Variants in MSH4 observed in about 807,000 individuals in gnomAD.
MSH4 encodes the protein mutS protein homolog 4.
In MSH4, 106 loss-of-function variants were observed where a neutral mutation model predicts 113.7. The observed-to-expected ratio is 0.93, with a 90% CI of 0.80 to 1.10. The LOEUF (loss-of-function observed/expected upper bound fraction) is 1.10, where lower values mean the gene tolerates loss of function less well. Among genes scored for constraint, MSH4 ranks in the 50% least tolerant of loss-of-function variants. The pLI is 0.00. For missense variants in MSH4, 1,061 were observed against 1,093.7 expected (o/e 0.97, Z 0.42); for synonymous variants, 368 against 380.2 (o/e 0.97, Z 0.37).
intron 8 of MSH4, among the ~76,000 whole-genome samples, chr1:75,859,443 G>C (rs1258967639): frequency 6.6e-6 from 1 of 152,210 alleles, no homozygotes; most frequent in Non-Finnish European, 1.5e-5. Context: ...ATGTGTCCCA[G>C]AGATTCTGGT....
chr1:75,883,894 G>A (rs1038569671), intron 15 of MSH4, 73 bp downstream of exon 15: 41 of 1,289,058 alleles, frequency 3.2e-5, no homozygotes, highest in Non-Finnish European at 4.5e-5. Flanking sequence ...ATTTTTTTAG[G>A]GCCATGTGCC....
intron 19 of MSH4, among the ~76,000 whole-genome samples, chr1:75,901,058 T>C (rs2100590673): frequency 6.6e-6 from 1 of 152,276 alleles, no homozygotes; most frequent in East Asian, 1.9e-4. Flanking sequence ...TGTACATATT[T>C]TGGGGCTACA....
intron 17 of MSH4, 124 bp downstream of exon 17, chr1:75,890,948 C>G (rs146571223): frequency 1.2e-6 from 1 of 867,868 alleles, no homozygotes; most frequent in African/African-American, 1.8e-5. Context: ...CACATATCAT[C>G]GCATTTATAT....
At position 75,800,153 on chromosome 1, in the gene MSH4, C is replaced by T. The variant is rs75179040; in HGVS notation, c.244+2924C>T. The stretch of plus-strand genomic sequence containing the variant: ...AACAGCCCTCTCCATCTCCAGTTTC[C>T]GCATCTCCAGTTTCTGGCAACCACT... On this transcript the variant is annotated intron_variant, in intron 1 of 19. Transcript: ENST00000263187. 4.0e-3 allele frequency among the ~76,000 whole-genome samples: 613 copies of T among 152,192 alleles called. 5 individuals carry two copies. Among genetic ancestry groups the T allele is most frequent in the African/African-American group, 0.014 (582 of 41,516 alleles).
chr1:75,801,256 A>G (rs1490541451), intron 1 of MSH4, among the ~76,000 whole-genome samples: 2 of 152,140 alleles, frequency 1.3e-5, no homozygotes, highest in African/African-American at 2.4e-5. Flanking sequence ...AATATTTGCC[A>G]TCTGGTCCTT....
At chr1:75,847,485 C>T (rs1651099011) in intron 7 of MSH4, among the ~76,000 whole-genome samples, 1 of 152,080 alleles carries the variant, frequency 6.6e-6, no homozygotes, top group African/African-American at 2.4e-5. Flanking sequence ...TAGACAATAT[C>T]AAAACCAGAG....
At chr1:75,881,803 T>C (rs1358444211) in intron 14 of MSH4, among the ~76,000 whole-genome samples, 2 of 152,090 alleles carry the variant, frequency 1.3e-5, no homozygotes, top group Admixed American at 6.6e-5. Context: ...AGGAATTATG[T>C]AATTTATTTT....
chr1:75,805,114 C>T (rs12127078), intron 2 of MSH4, among the ~76,000 whole-genome samples: 32,949 of 151,776 alleles, frequency 0.22, 3,799 homozygotes, highest in Middle Eastern at 0.31. Flanking sequence ...TGTGAGCCAC[C>T]GCACCCAGCC....
At chr1:75,818,745 A>G (rs1340160029) in intron 6 of MSH4, among the ~76,000 whole-genome samples, 1 of 63,136 alleles carries the variant, frequency 1.6e-5, no homozygotes, top group Non-Finnish European at 4.2e-5. Context: ...CCTTCTCTGT[A>G]TATTCCGTTT....
chr1:75,872,069 A>G (rs1651726441), intron 9 of MSH4, among the ~76,000 whole-genome samples: 1 of 152,224 alleles, frequency 6.6e-6, no homozygotes, highest in African/African-American at 2.4e-5. Context: ...AATGTGTTGC[A>G]GTCAAAATGC....
chr1:75,910,451 T>G (rs576739228), intron 19 of MSH4, among the ~76,000 whole-genome samples: 2 of 152,052 alleles, frequency 1.3e-5, no homozygotes, highest in African/African-American at 4.8e-5. Flanking sequence ...TTTCTTTTTT[T>G]TGAAACAAGG....
intron 9 of MSH4, among the ~76,000 whole-genome samples, chr1:75,869,165 T>C (rs1651655052): frequency 2.0e-5 from 3 of 152,080 alleles, no homozygotes; most frequent in Admixed American, 2.0e-4. Context: ...ATGAGGGATT[T>C]TTGGGAACTG....
rs1490890506 is a variant in MSH4 at position 75,796,923 on chromosome 1, T to C, written c.-63T>C. ...CGTTTCAGCGGCGCAGCTTCTGTAG[T>C]TGGGCTACTGGAGGGGTCGCTCAGA... is the stretch of plus-strand genomic sequence containing the variant. On this transcript the variant is annotated 5_prime_UTR_variant, in exon 1 of 20. Transcript: ENST00000263187. 2 of 1,598,634 alleles carry C rather than the reference T, an allele frequency of 1.3e-6. No individual in the cohort carries two copies. The highest frequency in any genetic ancestry group is 2.7e-5 in the African/African-American group (2 of 74,502).
chr1:75,856,731 A>AGT (rs1651326519), intron 8 of MSH4, among the ~76,000 whole-genome samples: 1 of 152,208 alleles, frequency 6.6e-6, no homozygotes, highest in South Asian at 2.1e-4. Flanking sequence ...TATTGTGAAT[A>AGT]GTGCTGCAAT....
At chr1:75,808,307 AT>A (rs1650113666) in intron 3 of MSH4, among the ~76,000 whole-genome samples, 1 of 152,048 alleles carries the variant, frequency 6.6e-6, no homozygotes, top group South Asian at 2.1e-4. Flanking sequence ...TTTTTGACTA[AT>A]TTTTTTGTGA....
intron 6 of MSH4, among the ~76,000 whole-genome samples, chr1:75,821,274 T>TA (rs1650402201): frequency 6.6e-6 from 1 of 152,032 alleles, no homozygotes; most frequent in African/African-American, 2.4e-5. Flanking sequence ...CTCAACTACA[T>TA]AGAAACTGAA....
chr1:75,897,998 A>G lies in MSH4; in HGVS notation c.2447A>G (p.His816Arg), dbSNP rs921258775. 1.3e-5 allele frequency: 21 copies of G among 1,608,044 alleles called. No homozygotes were observed. The highest frequency in any genetic ancestry group is 1.7e-4 in the Middle Eastern group (1 of 6,060). ...NVENMHFEVQ[H>R]VKNTSRNKEA... ...GAAAACATGCATTTTGAAGTTCAAC[A>G]TGTAAAGAATACCTCAAGAAATAAA... Residue 816 changes from histidine to arginine, a missense_variant, in exon 18 of 20, where the codon CAT (histidine) becomes CGT (arginine). Transcript: ENST00000263187.
At chr1:75,896,434 G>A (rs904381887) in intron 17 of MSH4, among the ~76,000 whole-genome samples, 1 of 149,072 alleles carries the variant, frequency 6.7e-6, no homozygotes, top group Non-Finnish European at 1.5e-5. Flanking sequence ...ATCTAATACA[G>A]TATCTGTTTT....
At chr1:75,813,848 GA>G (rs200869058) in intron 4 of MSH4, among the ~76,000 whole-genome samples, 3 of 147,788 alleles carry the variant, frequency 2.0e-5, no homozygotes, top group East Asian at 4.0e-4. Flanking sequence ...CCTCTCTTAA[GA>G]AAAAAAAACA....
Sources: allele counts gnomAD v4.1 joint callset (sites outside exome capture counted in the v4.1 genomes callset), GRCh38; gene constraint gnomAD v4.1.1; transcripts MANE v1.5; gene names NCBI Gene and HGNC (gene_info 2026-07-23, HGNC 2026-07-21).